Variants in C6 observed in about 807,000 individuals in gnomAD.
C6 encodes complement component C6.
In C6, 101 loss-of-function variants were observed where a neutral mutation model predicts 112.9. The ratio of observed to expected loss-of-function variants is 0.89; its 90% CI spans 0.76 to 1.06. C6 has a LOEUF of 1.06. Ranked by LOEUF, C6 falls within the 50% of genes least tolerant of loss-of-function variation. C6 has a pLI of 0.00. For synonymous variants in C6, 431 were observed against 384.1 expected (o/e 1.12, Z -1.43); for missense variants, 1,202 against 1,104.6 (o/e 1.09, Z -1.25).
At chr5:41,188,702 T>C (rs1749972286) in intron 5 of C6, among the ~76,000 whole-genome samples, 1 of 151,972 alleles carries the variant, frequency 6.6e-6, no homozygotes, top group African/African-American at 2.4e-5. Flanking sequence ...ATTTGTGAAC[T>C]CCAGTAAGAC....
chr5:41,154,100 T>G (rs1420017542), intron 14 of C6, 102 bp from the exon 15 acceptor site: 4 of 961,850 alleles, frequency 4.2e-6, no homozygotes, highest in African/African-American at 1.6e-5. Context: ...TGAGATTTAC[T>G]GCATCTGTTC....
chr5:41,191,902 T>C (rs1750247656), intron 5 of C6, among the ~76,000 whole-genome samples: 1 of 152,124 alleles, frequency 6.6e-6, no homozygotes, highest in Admixed American at 6.5e-5. Flanking sequence ...TTTATTTCTT[T>C]TCCTTGCCTA....
In C6 at chr5:41,249,977, T is replaced by C. The variant is rs140982015; in HGVS notation, c.-21+11217A>G. ...ATAAATAATGTACTACCCTCTTAAATGGAGATAATTATATGCTCCAAATTC... is the reference window on the plus strand; with the variant it reads ...ATAAATAATGTACTACCCTCTTAAACGGAGATAATTATATGCTCCAAATTC... On this transcript the variant is annotated intron_variant, in intron 1 of 17. Transcript: ENST00000263413. Among the ~76,000 whole-genome samples, 63 of 152,340 alleles carry C rather than the reference T, an allele frequency of 4.1e-4. No homozygotes were observed. In the East Asian group the frequency reaches 7.5e-3, roughly 18 times the overall value.
upstream of C6, among the ~76,000 whole-genome samples, chr5:41,216,923 T>C (rs1752215670): frequency 6.6e-6 from 1 of 152,136 alleles, no homozygotes; most frequent in South Asian, 2.1e-4. Context: ...TCCCAGTCCC[T>C]AATATTGGAA....
chr5:41,168,574 G>A (rs999790322), intron 9 of C6, among the ~76,000 whole-genome samples: 4 of 152,046 alleles, frequency 2.6e-5, no homozygotes, highest in Admixed American at 2.6e-4. Context: ...TCACCTTACA[G>A]TCTTTCTTTG....
chr5:41,166,571 A>T (rs1417132895), intron 9 of C6, among the ~76,000 whole-genome samples: 1 of 152,092 alleles, frequency 6.6e-6, no homozygotes, highest in Non-Finnish European at 1.5e-5. Flanking sequence ...TTAAACATTT[A>T]TAATGTGCTA....
At chr5:41,192,599 G>GT (rs1750302665) in intron 5 of C6, among the ~76,000 whole-genome samples, 2 of 151,376 alleles carry the variant, frequency 1.3e-5, no homozygotes, top group Admixed American at 1.3e-4. Flanking sequence ...TTCAATCTTG[G>GT]TAAGTTTTTT....
chr5:41,172,209 G>C lies in C6; in HGVS notation c.1291+16C>G. 1.2e-6 allele frequency: 2 copies of C among 1,613,424 alleles called. No homozygotes were observed. The highest frequency in any genetic ancestry group is 1.7e-6 in the Non-Finnish European group (2 of 1,179,462). On this transcript the variant is annotated intron_variant, in intron 9 of 17. Coordinates refer to ENST00000337836, the MANE Select transcript of C6 (RefSeq NM_000065.5). ...CAGGGCACACTGGATAAGCTGCTAA[G>C]AGAGAGTACTGTTACCTTCATGTTT...
intron 13 of C6, among the ~76,000 whole-genome samples, chr5:41,157,184 A>G (rs1203509711): frequency 6.6e-6 from 1 of 152,222 alleles, no homozygotes; most frequent in Non-Finnish European, 1.5e-5. Flanking sequence ...AAAGAGCAAA[A>G]TAAAATAAGA....
intron 4 of C6, among the ~76,000 whole-genome samples, chr5:41,197,004 AG>A (rs949897461): frequency 1.1e-4 from 17 of 152,150 alleles, no homozygotes; most frequent in African/African-American, 4.1e-4. Context: ...CAATGATTAA[AG>A]GTTTTACTTG....
Position 41,150,037 on chromosome 5 carries a change from GA to G in C6, c.2291-13del. ...TTTTGTTAGAGTATCTGAAACAAAA[GA>G]AAAAAGGAGAAAAGAACAGTGCACA... On this transcript the variant is annotated splice_polypyrimidine_tract_variant and intron_variant, in intron 15 of 17. Coordinates refer to ENST00000337836, the MANE Select transcript of C6 (RefSeq NM_000065.5). 3.3e-6 allele frequency: 5 copies of G among 1,530,048 alleles called. No homozygotes were observed. The highest frequency in any genetic ancestry group is 1.1e-5 in the South Asian group (1 of 89,296). The allele number at this position is 1,530,048 out of a possible 1,614,324, so 94.8% of individuals were successfully genotyped here.
Position 41,181,358 on chromosome 5 carries a change from C to G in C6, c.927+1G>C, listed in dbSNP as rs546788276. 1 of 1,613,240 alleles carries G rather than the reference C, an allele frequency of 6.2e-7. No individual in the cohort carries two copies. Among genetic ancestry groups the G allele is most frequent in the South Asian group, 1.1e-5 (1 of 91,058 alleles). ...AAAAGGTTGGAAACCATTTTTGATA[C>G]CTTTTTGTGAGAGGCTTGAATGGCT... On this transcript the variant is annotated splice_donor_variant, in intron 7 of 17. Transcript: ENST00000337836. LOFTEE classifies it high-confidence loss of function.
At chr5:41,256,427 AT>A (rs74415053) in intron 1 of C6, among the ~76,000 whole-genome samples, 10,219 of 117,974 alleles carry the variant, frequency 0.087, 719 homozygotes, top group African/African-American at 0.2. Flanking sequence ...TTAAAGTATA[AT>A]TAAAAAAAAA....
intron 1 of C6, among the ~76,000 whole-genome samples, chr5:41,251,048 C>T (rs2150437793): frequency 6.6e-6 from 1 of 152,248 alleles, no homozygotes. Context: ...TGATTTATTA[C>T]TGGCCACAAA....
intron 1 of C6, among the ~76,000 whole-genome samples, chr5:41,211,830 A>C (rs1044591250): frequency 2.6e-5 from 4 of 152,148 alleles, no homozygotes; most frequent in African/African-American, 9.7e-5. Context: ...TGAAATTTTC[A>C]TGTAAATAAT....
At chr5:41,149,787 G>A (rs1746205183) in intron 16 of C6, 148 bp downstream of exon 16, 2 of 697,070 alleles carry the variant, frequency 2.9e-6, no homozygotes, top group Admixed American at 2.2e-5. Context: ...TGGGGAAGGA[G>A]GAATTCAGCA....
Position 41,186,205 on chromosome 5 carries a change from A to G in C6, c.591T>C (p.Phe197=), listed in dbSNP as rs1404063759. 1 of 1,613,822 alleles carries G rather than the reference A, an allele frequency of 6.2e-7. No homozygotes were observed. Among genetic ancestry groups the G allele is most frequent in the Admixed American group, 1.7e-5 (1 of 59,966 alleles). ...CTCTGGGCTCTCCTGCCAGAAAATGAAACCTAGAAACAAAGTAATTTTCAG... is the reference window on the plus strand; with the variant it reads ...CTCTGGGCTCTCCTGCCAGAAAATGGAACCTAGAAACAAAGTAATTTTCAG... ...IPSVQLMGNG[F]HFLAGEPRGE... Residue 197 remains phenylalanine, a synonymous_variant, in exon 6 of 18, where the codon TTT becomes TTC. Coordinates refer to ENST00000337836, the MANE Select transcript of C6 (RefSeq NM_000065.5).
At chr5:41,239,857 A>G (rs1461553005) in intron 1 of C6, among the ~76,000 whole-genome samples, 4 of 152,118 alleles carry the variant, frequency 2.6e-5, no homozygotes, top group African/African-American at 9.7e-5. Flanking sequence ...TCTTTCATTT[A>G]TGAAAGGTAA....
chr5:41,181,339 T>C lies in C6; in HGVS notation c.927+20A>G, dbSNP rs761871618. Reference sequence around the variant, plus strand: ...TTAATTTTCAAGAAAGAATAAAAGGTTGGAAACCATTTTTGATACCTTTTT... The same window carrying C: ...TTAATTTTCAAGAAAGAATAAAAGGCTGGAAACCATTTTTGATACCTTTTT... On this transcript the variant is annotated intron_variant, in intron 7 of 17. Transcript: ENST00000337836. 13 of 1,607,934 alleles carry C rather than the reference T, an allele frequency of 8.1e-6. No homozygotes were observed. The highest frequency in any genetic ancestry group is 1.3e-5 in the African/African-American group (1 of 74,794).
Sources: gnomAD v4.1 joint callset for allele counts (sites outside exome capture counted in the v4.1 genomes callset) on GRCh38, gnomAD v4.1.1 for gene constraint, MANE v1.5 for transcripts, NCBI Gene and HGNC (gene_info 2026-07-23, HGNC 2026-07-21) for gene names.